The following ABHD12 variants were observed in gnomAD, a reference collection of about 807,000 sequenced individuals.
ABHD12 encodes abhydrolase domain containing 12, lysophospholipase.
A neutral mutation model predicts 58.3 loss-of-function variants in ABHD12; 43 were observed. The ratio of observed to expected loss-of-function variants is 0.74; its 90% CI spans 0.58 to 0.95. The LOEUF is 0.95. Ranked by LOEUF, ABHD12 falls within the 40% of genes least tolerant of loss-of-function variation. ABHD12 has a pLI of 0.00. For synonymous variants in ABHD12, 219 were observed against 211.2 expected, an observed-to-expected ratio of 1.04 and a Z score of -0.32; for missense variants, 539 against 537.2, an observed-to-expected ratio of 1.00 and a Z score of -0.03.
In ABHD12 at chr20:25,358,531, CTT is replaced by C. The variant is rs568453951; in HGVS notation, c.192-19182_192-19181del. 5.3e-5 allele frequency among the ~76,000 whole-genome samples: 8 copies of C among 152,312 alleles called. No homozygotes were observed. In the South Asian group the frequency reaches 1.7e-3, roughly 32 times the overall value. On this transcript the variant is annotated intron_variant, in intron 1 of 12. Transcript: ENST00000339157. Reference sequence around the variant, plus strand: ...CCTCACTGGTCTGCATTTTATCCCTCTTTCTTTGCTTCTGTACAAGCAAACTA... The same window carrying C: ...CCTCACTGGTCTGCATTTTATCCCTCTCTTTGCTTCTGTACAAGCAAACTA...
chr20:25,344,568 C>G (rs2089494610), intron 1 of ABHD12, among the ~76,000 whole-genome samples: 1 of 152,118 alleles, frequency 6.6e-6, no homozygotes, highest in South Asian at 2.1e-4. Context: ...CAGGAAGGCC[C>G]AATATTGTCA....
chr20:25,390,522 G>A lies in ABHD12; in HGVS notation c.182C>T (p.Ala61Val). Residue 61 changes from alanine (A) to valine (V), a missense_variant, in exon 1 of 13, where the codon GCG becomes GTG. Ala to Val is a moderately conservative substitution (Grantham distance 64). Coordinates refer to ENST00000339157, the MANE Select transcript of ABHD12 (RefSeq NM_001042472.3). Reference protein sequence around the residue: ...RCAADAGMKRALGRRKGVWLR... With the variant: ...RCAADAGMKRVLGRRKGVWLR... ...CCGCGCGAAGCCTCACCTGCCCAGC[G>A]CCCGCTTCATTCCCGCGTCGGCTGC... 8.0e-7 allele frequency: 1 copy of A among 1,254,466 alleles called. No individual in the cohort carries two copies. The highest frequency in any genetic ancestry group is 1.0e-6 in the Non-Finnish European group (1 of 974,952). 77.7% of individuals were successfully genotyped at this position (1,254,466 alleles called of 1,614,324 possible). A position where few individuals can be genotyped will look rare whatever the true frequency, so the allele number is the denominator to read the frequency against.
In ABHD12 at chr20:25,390,719, G is replaced by A. The variant is rs2090165257; in HGVS notation, c.-16C>T. The A allele has an allele frequency of 6.8e-6, 9 of 1,331,182 alleles. No individual in the cohort carries two copies. Among genetic ancestry groups the A allele is most frequent in the African/African-American group, 3.3e-5 (2 of 60,140 alleles). 82.5% of individuals were successfully genotyped at this position (1,331,182 alleles called of 1,614,324 possible). A position where few individuals can be genotyped will look rare whatever the true frequency, so the allele number is the denominator to read the frequency against. ...GCTTCCTCATCCCGCGGCCGACAGG[G>A]CCAGCCGCCGACGGCGCCCGCTGGC... On this transcript the variant is annotated 5_prime_UTR_variant, in exon 1 of 13. Transcript: ENST00000339157.
intron 1 of ABHD12, among the ~76,000 whole-genome samples, chr20:25,353,398 G>A (rs2089627809): frequency 2.0e-5 from 3 of 152,034 alleles, no homozygotes; most frequent in Admixed American, 1.3e-4. Flanking sequence ...TTTATAAGCA[G>A]AATATGTAAA....
chr20:25,340,923 A>C (rs909488064), intron 1 of ABHD12, among the ~76,000 whole-genome samples: 1 of 152,220 alleles, frequency 6.6e-6, no homozygotes, highest in Non-Finnish European at 1.5e-5. Flanking sequence ...TGGTCACATG[A>C]TGGCACACAT....
chr20:25,299,666 T>TATA (rs2088602498), downstream of ABHD12, among the ~76,000 whole-genome samples: 1 of 152,092 alleles, frequency 6.6e-6, no homozygotes, highest in Non-Finnish European at 1.5e-5. Context: ...TAGGGGTTCC[T>TATA]ATAGCCTCAC....
At chr20:25,307,103 G>A (rs1384610174) in intron 9 of ABHD12, among the ~76,000 whole-genome samples, 188 bp from the exon 10 acceptor site, 2 of 152,192 alleles carry the variant, frequency 1.3e-5, no homozygotes, top group Non-Finnish European at 2.9e-5. Context: ...CCCTGGCCGT[G>A]TCCTGGCTTT....
At chr20:25,326,695 G>T (rs2089182347) in intron 2 of ABHD12, among the ~76,000 whole-genome samples, 1 of 151,810 alleles carries the variant, frequency 6.6e-6, no homozygotes, top group African/African-American at 2.4e-5. Context: ...ATAATGATTT[G>T]TTTTTTAATA....
chr20:25,372,746 T>C (rs2089914417), intron 1 of ABHD12, among the ~76,000 whole-genome samples: 1 of 152,220 alleles, frequency 6.6e-6, no homozygotes, highest in South Asian at 2.1e-4. Flanking sequence ...CCTAATGTCA[T>C]GGCTGTAGCG....
At chr20:25,356,893 T>G (rs2089676082) in intron 1 of ABHD12, among the ~76,000 whole-genome samples, 1 of 151,950 alleles carries the variant, frequency 6.6e-6, no homozygotes, top group South Asian at 2.1e-4. Context: ...CCCAGCACGT[T>G]GGGAGGCCAA....
At chr20:25,308,617 A>G in intron 7 of ABHD12, 123 bp from the exon 8 acceptor site, 1 of 1,216,706 alleles carries the variant, frequency 8.2e-7, no homozygotes, top group Non-Finnish European at 1.2e-6. Flanking sequence ...GTTTCAGGAC[A>G]GAGTGGGGGA....
chr20:25,347,872 A>G (rs1198168681), intron 1 of ABHD12, among the ~76,000 whole-genome samples: 1 of 151,932 alleles, frequency 6.6e-6, no homozygotes, highest in Non-Finnish European at 1.5e-5. Flanking sequence ...ATGTTTTTAA[A>G]AAAAGTTCAC....
chr20:25,327,645 G>A (rs1383576700), intron 2 of ABHD12, among the ~76,000 whole-genome samples: 6 of 152,164 alleles, frequency 3.9e-5, no homozygotes, highest in East Asian at 3.9e-4. Flanking sequence ...AGTTTAAAGC[G>A]AAGATGATAC....
At chr20:25,317,639 GC>G (rs1281821691) in intron 4 of ABHD12, among the ~76,000 whole-genome samples, 1 of 152,232 alleles carries the variant, frequency 6.6e-6, no homozygotes, top group African/African-American at 2.4e-5. Flanking sequence ...CATGGGATAT[GC>G]TCCTAGAATC....
At chr20:25,302,070 T>C (rs755074861) in intron 12 of ABHD12, 149 bp downstream of exon 12, 3 of 1,181,788 alleles carry the variant, frequency 2.5e-6, no homozygotes, top group Non-Finnish European at 3.6e-6. Flanking sequence ...CAAACCCCTC[T>C]GCCAAGGAAA....
chr20:25,295,518 G>C, downstream of ABHD12: 1 of 1,453,596 alleles, frequency 6.9e-7, no homozygotes, highest in Non-Finnish European at 9.6e-7. Context: ...GATGGTGCCT[G>C]GCCTCCTGCC....
At chr20:25,368,743 T>A in intron 1 of ABHD12, 1 of 1,090,464 alleles carries the variant, frequency 9.2e-7, no homozygotes, top group East Asian at 2.8e-5. Context: ...GTCAGCAATG[T>A]TGAAGAACAG....
In ABHD12 at chr20:25,347,545, C is replaced by A. The variant is rs150942613; in HGVS notation, c.192-8194G>T. The stretch of plus-strand genomic sequence containing the variant: ...TGTTATGGTCAAGGATAAATCTTGG[C>A]CAGGTGTGGTGGTTCACACCTGTAA... On this transcript the variant is annotated intron_variant, in intron 1 of 12. Transcript: ENST00000339157. Among the ~76,000 whole-genome samples, 269 of 152,198 alleles carry A rather than the reference C, an allele frequency of 1.8e-3. 1 individual carries two copies. Among genetic ancestry groups the A allele is most frequent in the African/African-American group, 6.3e-3 (261 of 41,530 alleles).
chr20:25,324,919 G>GC (rs1202006204), intron 2 of ABHD12, among the ~76,000 whole-genome samples: 2 of 152,160 alleles, frequency 1.3e-5, no homozygotes, highest in African/African-American at 4.8e-5. Flanking sequence ...GAGCCAGGCT[G>GC]CACAGTCTCT....
Sources: allele counts gnomAD v4.1 joint callset (sites outside exome capture counted in the v4.1 genomes callset), GRCh38; gene constraint gnomAD v4.1.1; transcripts MANE v1.5; gene names NCBI Gene and HGNC (gene_info 2026-07-23, HGNC 2026-07-21).